MAN1C1: variants seen among roughly 807,000 people sequenced by gnomAD.
MAN1C1 encodes the protein mannosidase alpha class 1C member 1.
MAN1C1 carries 49 observed loss-of-function variants against 71.5 expected under a neutral mutation model. The ratio of observed to expected loss-of-function variants is 0.69; its 90% CI spans 0.54 to 0.87. The LOEUF (loss-of-function observed/expected upper bound fraction) is 0.87, where lower values mean the gene tolerates loss of function less well. Among genes scored for constraint, MAN1C1 ranks in the 40% least tolerant of loss-of-function variants. MAN1C1 has a pLI of 0.00. For missense variants in MAN1C1, 743 were observed against 835.0 expected (o/e 0.89, Z 1.36); for synonymous variants, 352 against 343.7 (o/e 1.02, Z -0.27).
rs2047241906 is a variant in MAN1C1, at chr1:25,753,358, A to G, written c.835-126A>G. The G allele has an allele frequency of 1.3e-5, 7 of 559,360 alleles. No individual in the cohort carries two copies. The highest frequency in any genetic ancestry group is 1.9e-5 in the African/African-American group (1 of 51,422). The allele number at this position is 559,360 out of a possible 1,614,324, so 34.6% of individuals were successfully genotyped here. A position where few individuals can be genotyped will look rare whatever the true frequency, so the allele number is the denominator to read the frequency against. On this transcript the variant is annotated intron_variant, in intron 4 of 11. Coordinates refer to ENST00000374332, the MANE Select transcript of MAN1C1 (RefSeq NM_020379.4). The surrounding 1 kb of genome is among the most constrained non-coding windows in gnomAD (Gnocchi z 4.9). ...GCAGTTGGAAGAACCGGGCTGGTGGACTGCAGCACTGCCCCCTACTCTAGA... is the reference window on the plus strand; with the variant it reads ...GCAGTTGGAAGAACCGGGCTGGTGGGCTGCAGCACTGCCCCCTACTCTAGA...
intron 2 of MAN1C1, among the ~76,000 whole-genome samples, chr1:25,699,702 G>A (rs905750046): frequency 6.6e-6 from 1 of 152,228 alleles, no homozygotes; most frequent in African/African-American, 2.4e-5. Flanking sequence ...CCACTACTGG[G>A]TGTGTTTCAT....
intron 2 of MAN1C1, among the ~76,000 whole-genome samples, chr1:25,690,493 A>G (rs1172931646): frequency 6.6e-6 from 1 of 152,116 alleles, no homozygotes; most frequent in African/African-American, 2.4e-5. Context: ...GGGTTTCACC[A>G]TGTTGGTCAG....
At chr1:25,766,255 G>A (rs2047424875) in intron 7 of MAN1C1, among the ~76,000 whole-genome samples, 1 of 152,086 alleles carries the variant, frequency 6.6e-6, no homozygotes, top group Non-Finnish European at 1.5e-5. Context: ...GAGCAGAGGG[G>A]GTTATAATGC....
chr1:25,686,076 C>T (rs2046226693), intron 1 of MAN1C1, among the ~76,000 whole-genome samples: 1 of 152,200 alleles, frequency 6.6e-6, no homozygotes, highest in Non-Finnish European at 1.5e-5. Context: ...ATAGCAAGCA[C>T]TCATTTTCCT....
intron 4 of MAN1C1, among the ~76,000 whole-genome samples, chr1:25,750,301 C>T (rs552406082): frequency 5.9e-5 from 9 of 152,324 alleles, no homozygotes; most frequent in South Asian, 4.1e-4. Context: ...TCCCGAGCTC[C>T]GGTAAAAGCA....
chr1:25,729,844 T>A (rs1208451729), intron 2 of MAN1C1, among the ~76,000 whole-genome samples: 1 of 152,062 alleles, frequency 6.6e-6, no homozygotes, highest in Non-Finnish European at 1.5e-5. Context: ...AACCCAGGTC[T>A]GTGAGGAGTG....
chr1:25,780,321 C>A (rs921308246), intron 9 of MAN1C1, among the ~76,000 whole-genome samples: 12 of 152,264 alleles, frequency 7.9e-5, no homozygotes, highest in African/African-American at 2.9e-4. Context: ...AGAACCCAGG[C>A]TCCCTCAGGC....
intron 2 of MAN1C1, among the ~76,000 whole-genome samples, chr1:25,721,146 A>G (rs935910098): frequency 6.6e-6 from 1 of 151,916 alleles, no homozygotes; most frequent in Non-Finnish European, 1.5e-5. Flanking sequence ...TGGGTCCCTT[A>G]TATTTATTTC....
intron 8 of MAN1C1, among the ~76,000 whole-genome samples, chr1:25,773,384 G>A (rs1339278410): frequency 6.6e-6 from 1 of 152,170 alleles, no homozygotes; most frequent in Non-Finnish European, 1.5e-5. Context: ...ACATTGAAAC[G>A]GACTGCTAGA....
At chr1:25,642,142 G>A (rs1461494132) in intron 1 of MAN1C1, among the ~76,000 whole-genome samples, 2 of 152,132 alleles carry the variant, frequency 1.3e-5, no homozygotes, top group African/African-American at 4.8e-5. Context: ...ATATTTGCTT[G>A]TCCCGAAGTC....
At chr1:25,727,983 G>A (rs935908843) in intron 2 of MAN1C1, among the ~76,000 whole-genome samples, 3 of 152,260 alleles carry the variant, frequency 2.0e-5, no homozygotes, top group Non-Finnish European at 4.4e-5. Flanking sequence ...GGCAGGGAAT[G>A]CAGTTTCCTG....
intron 1 of MAN1C1, among the ~76,000 whole-genome samples, chr1:25,664,264 T>G (rs892567137): frequency 6.6e-6 from 1 of 152,032 alleles, no homozygotes; most frequent in Admixed American, 6.5e-5. Context: ...CTACTAGTTT[T>G]TTTTTTTTTA....
At chr1:25,770,033 G>T (rs954199818) in intron 7 of MAN1C1, among the ~76,000 whole-genome samples, 1 of 151,928 alleles carries the variant, frequency 6.6e-6, no homozygotes, top group Non-Finnish European at 1.5e-5. Flanking sequence ...CCCATGACGG[G>T]GCTGGAGAAG....
rs965321419 is a variant in MAN1C1 at position 25,637,907 on chromosome 1, T to TTA, written c.540+19571_540+19572insAT. 1.2e-4 allele frequency among the ~76,000 whole-genome samples: 6 copies of TTA among 48,130 alleles called. No homozygotes were observed. In the African/African-American group the frequency reaches 1.7e-3, roughly 13 times the overall value. The allele number at this position is 48,130 out of a possible 152,430, so 31.6% of individuals were successfully genotyped here. A position where few individuals can be genotyped will look rare whatever the true frequency, so the allele number is the denominator to read the frequency against. On this transcript the variant is annotated intron_variant, in intron 1 of 11. Coordinates refer to ENST00000374332, the MANE Select transcript of MAN1C1 (RefSeq NM_020379.4). ...GTATGGTAGAACTTTTTCCATCCTT[T>TTA]TTTTTTTTAACCCATTTGTATCTTT...
chr1:25,684,808 G>A (rs1053866576), intron 1 of MAN1C1, among the ~76,000 whole-genome samples: 19 of 152,238 alleles, frequency 1.2e-4, no homozygotes, highest in Non-Finnish European at 2.1e-4. Context: ...GAAAGCCAGC[G>A]GACGCAGGAC....
chr1:25,717,247 AC>A (rs2046693092), intron 2 of MAN1C1, among the ~76,000 whole-genome samples: 1 of 152,160 alleles, frequency 6.6e-6, no homozygotes, highest in Non-Finnish European at 1.5e-5. Flanking sequence ...ACAGTGGCTC[AC>A]ACCTGTAATC....
chr1:25,766,256 G>GCTC, intron 7 of MAN1C1, among the ~76,000 whole-genome samples: 1 of 152,100 alleles, frequency 6.6e-6, no homozygotes, highest in Non-Finnish European at 1.5e-5. Flanking sequence ...AGCAGAGGGG[G>GCTC]TTATAATGCC....
chr1:25,666,500 C>G (rs1423024754), intron 1 of MAN1C1, among the ~76,000 whole-genome samples: 1 of 152,188 alleles, frequency 6.6e-6, no homozygotes, highest in Non-Finnish European at 1.5e-5. Context: ...GAATTTCTTC[C>G]TCTTGCTTAG....
chr1:25,752,766 C>T (rs2047233611), intron 4 of MAN1C1, among the ~76,000 whole-genome samples: 1 of 152,226 alleles, frequency 6.6e-6, no homozygotes, highest in Admixed American at 6.5e-5. Context: ...CTGTGGCTCC[C>T]TTGCTGTCCT....
Sources: gnomAD v4.1 joint callset for allele counts (sites outside exome capture counted in the v4.1 genomes callset) on GRCh38, gnomAD v4.1.1 for gene constraint, Gnocchi (gnomAD v3.1) non-coding constraint, MANE v1.5 for transcripts, NCBI Gene and HGNC (gene_info 2026-07-23, HGNC 2026-07-21) for gene names.